STXBP5L: variants seen among roughly 807,000 people sequenced by gnomAD.
The protein encoded by STXBP5L is syntaxin-binding protein 5-like.
STXBP5L carries 65 observed loss-of-function variants against 144.5 expected under a neutral mutation model. The ratio of observed to expected loss-of-function variants is 0.45; its 90% CI spans 0.37 to 0.55. STXBP5L has a LOEUF of 0.55. STXBP5L is among the 20% of genes least tolerant of loss of function. The probability of loss-of-function intolerance (pLI) is 0.00; values close to 1 mark genes in which losing one functional copy is unlikely to be tolerated. For missense variants in STXBP5L, 1,298 were observed against 1,405.5 expected, an observed-to-expected ratio of 0.92 and a Z score of 1.22; for synonymous variants, 505 against 469.6, an observed-to-expected ratio of 1.08 and a Z score of -0.97.
chr3:120,912,075 C>T (rs1708868690), intron 2 of STXBP5L, among the ~76,000 whole-genome samples: 1 of 151,982 alleles, frequency 6.6e-6, no homozygotes, highest in Admixed American at 6.5e-5. Context: ...TTAGTCATCA[C>T]ATCCCCTCTA....
At chr3:121,276,063 C>T (rs1202990053) in intron 18 of STXBP5L, among the ~76,000 whole-genome samples, 1 of 151,546 alleles carries the variant, frequency 6.6e-6, no homozygotes, top group East Asian at 1.9e-4. Flanking sequence ...CTTTGTCCCC[C>T]CACTCCCCCT....
chr3:121,091,451 A>C (rs1043565103), intron 5 of STXBP5L, among the ~76,000 whole-genome samples: 1 of 151,954 alleles, frequency 6.6e-6, no homozygotes, highest in Non-Finnish European at 1.5e-5. Context: ...TTGTTCCCTG[A>C]CTTTTTAATG....
intron 3 of STXBP5L, among the ~76,000 whole-genome samples, chr3:120,974,213 G>T (rs1485362752): frequency 1.3e-5 from 2 of 152,048 alleles, no homozygotes; most frequent in Non-Finnish European, 2.9e-5. Context: ...GTTGTTTCCT[G>T]ACTTTTTAAT....
At chr3:121,153,892 T>C (rs1029880157) in intron 8 of STXBP5L, among the ~76,000 whole-genome samples, 1 of 151,890 alleles carries the variant, frequency 6.6e-6, no homozygotes, top group African/African-American at 2.4e-5. Flanking sequence ...CCTTTTGTTA[T>C]ACAAATCATA....
At chr3:120,959,725 CCTT>C (rs1164944917) in intron 3 of STXBP5L, among the ~76,000 whole-genome samples, 1 of 151,984 alleles carries the variant, frequency 6.6e-6, no homozygotes, top group Non-Finnish European at 1.5e-5. Context: ...AAACTGGATC[CCTT>C]CCTTACACCT....
chr3:121,284,211 C>T (rs1489997080), intron 19 of STXBP5L, among the ~76,000 whole-genome samples: 1 of 151,822 alleles, frequency 6.6e-6, no homozygotes, highest in African/African-American at 2.4e-5. Flanking sequence ...ATTCAGGATC[C>T]TCTAAAGTAT....
At chr3:121,253,797 ATTTTTTTTTTTTCTTTTT>A (rs1338687598) in intron 15 of STXBP5L, among the ~76,000 whole-genome samples, 5 of 120,644 alleles carry the variant, frequency 4.1e-5, no homozygotes, top group Non-Finnish European at 6.5e-5. Context: ...CGCCCCGCTA[ATTTTTTTTTTTTCTTTTT>A]TTTTTTTTTT....
chr3:121,272,451 A>G (rs1356622577), intron 18 of STXBP5L, among the ~76,000 whole-genome samples: 1 of 152,114 alleles, frequency 6.6e-6, no homozygotes, highest in Non-Finnish European at 1.5e-5. Flanking sequence ...CCTCTGCTCT[A>G]TTTTAGCTTC....
intron 3 of STXBP5L, among the ~76,000 whole-genome samples, chr3:120,962,179 C>A (rs1938919487): frequency 6.6e-6 from 1 of 152,116 alleles, no homozygotes; most frequent in African/African-American, 2.4e-5. Context: ...GATATTAGCC[C>A]TTTGTCAGAT....
At chr3:121,369,379 ATC>A (rs2045961423) in intron 20 of STXBP5L, among the ~76,000 whole-genome samples, 1 of 149,674 alleles carries the variant, frequency 6.7e-6, no homozygotes. Flanking sequence ...TTTGTTGAAC[ATC>A]TCTTTTTTCA....
At chr3:121,104,939 A>T (rs1404816590) in intron 5 of STXBP5L, among the ~76,000 whole-genome samples, 1 of 152,248 alleles carries the variant, frequency 6.6e-6, no homozygotes, top group African/African-American at 2.4e-5. Flanking sequence ...CAGCAGAGTA[A>T]ACAGGCAACC....
chr3:121,157,437 G>A lies in STXBP5L; in HGVS notation c.754-67G>A, dbSNP rs1048851636. The A allele has an allele frequency of 2.8e-6, 4 of 1,426,676 alleles. No homozygotes were observed. The African/African-American group carries it at 6.0e-5, about 21-fold the overall frequency. 88.4% of individuals were successfully genotyped at this position (1,426,676 alleles called of 1,614,324 possible). A position where few individuals can be genotyped will look rare whatever the true frequency, so the allele number is the denominator to read the frequency against. ...TTTATATCAGAATAGTTTTTCTTTG[G>A]AATATAGAATGATATAACCTATCTA... On this transcript the variant is annotated intron_variant, in intron 8 of 26. Transcript: ENST00000471454.
intron 19 of STXBP5L, among the ~76,000 whole-genome samples, chr3:121,314,624 G>T (rs1041288015): frequency 2.1e-5 from 3 of 145,324 alleles, no homozygotes; most frequent in East Asian, 4.1e-4. Flanking sequence ...AGAGGGAGAG[G>T]GAGAGGGAGA....
At chr3:121,219,292 GC>G (rs1351164625) in intron 10 of STXBP5L, among the ~76,000 whole-genome samples, 1 of 152,090 alleles carries the variant, frequency 6.6e-6, no homozygotes, top group Non-Finnish European at 1.5e-5. Flanking sequence ...CTATATCCCT[GC>G]TCCAACTATT....
chr3:121,247,275 T>C (rs1049769379), intron 14 of STXBP5L, among the ~76,000 whole-genome samples: 1 of 152,236 alleles, frequency 6.6e-6, no homozygotes, highest in African/African-American at 2.4e-5. Flanking sequence ...TTAAACCTTA[T>C]GTAGTTTGAG....
intron 5 of STXBP5L, among the ~76,000 whole-genome samples, chr3:121,108,038 G>T (rs1461896065): frequency 6.6e-6 from 1 of 152,104 alleles, no homozygotes; most frequent in Non-Finnish European, 1.5e-5. Flanking sequence ...ATATAGGAAT[G>T]GTTGTGATTT....
chr3:121,313,228 A>G (rs1300001229), intron 19 of STXBP5L, among the ~76,000 whole-genome samples: 6 of 84,114 alleles, frequency 7.1e-5, no homozygotes, highest in African/African-American at 1.5e-4. Flanking sequence ...GACCCCCCCC[A>G]CCTCCCTCCC....
intron 2 of STXBP5L, among the ~76,000 whole-genome samples, chr3:120,920,635 A>G (rs1439632521): frequency 1.3e-5 from 2 of 151,712 alleles, no homozygotes; most frequent in Non-Finnish European, 3.0e-5. Context: ...CCATTAATCA[A>G]CTTGTCTTCA....
intron 2 of STXBP5L, among the ~76,000 whole-genome samples, chr3:120,942,718 G>T (rs531725924): frequency 6.7e-6 from 1 of 150,090 alleles, no homozygotes; most frequent in South Asian, 2.1e-4. Context: ...CTATTTTCTT[G>T]TATTTATATG....
Sources: gnomAD v4.1 joint callset for allele counts (sites outside exome capture counted in the v4.1 genomes callset) on GRCh38, gnomAD v4.1.1 for gene constraint, MANE v1.5 for transcripts, NCBI Gene and HGNC (gene_info 2026-07-23, HGNC 2026-07-21) for gene names.